The following SND1 variants were observed in gnomAD, a reference collection of about 807,000 sequenced individuals.
SND1 encodes staphylococcal nuclease domain-containing protein 1.
Under a neutral mutation model 121.7 loss-of-function variants are expected in SND1, and 38 were observed. The ratio of observed to expected loss-of-function variants is 0.31; its 90% CI spans 0.24 to 0.41. SND1 has a LOEUF of 0.41. Ranked by LOEUF, SND1 falls within the 10% of genes least tolerant of loss-of-function variation. The pLI is 1.00. For synonymous variants in SND1, 401 were observed against 447.4 expected, an observed-to-expected ratio of 0.90 and a Z score of 1.31; for missense variants, 868 against 1,184.6, an observed-to-expected ratio of 0.73 and a Z score of 3.92.
intron 22 of SND1, among the ~76,000 whole-genome samples, chr7:128,090,934 C>G (rs1268070373): frequency 6.6e-6 from 1 of 152,150 alleles, no homozygotes; most frequent in East Asian, 1.9e-4. Context: ...CCCATAATGC[C>G]CCTGCTATCT....
chr7:127,809,250 T>C (rs1360245608), intron 11 of SND1, among the ~76,000 whole-genome samples: 2 of 152,224 alleles, frequency 1.3e-5, no homozygotes, highest in Non-Finnish European at 2.9e-5. Context: ...CCTTTATTGG[T>C]TCCTGTGCAA....
chr7:128,081,354 A>T lies in SND1; in HGVS notation c.1969-6A>T, dbSNP rs1409842516. On this transcript the variant is annotated splice_polypyrimidine_tract_variant and splice_region_variant and intron_variant, in intron 17 of 23. Transcript: ENST00000354725. ...CTCTTCTCACCTCTGCCGACTGAAC[A>T]TGCAGGTCTGGGCCCACTATGAGGA... 6.2e-7 allele frequency: 1 copy of T among 1,614,044 alleles called. No homozygotes were observed. Among genetic ancestry groups the T allele is most frequent in the Admixed American group, 1.7e-5 (1 of 60,024 alleles).
intron 16 of SND1, among the ~76,000 whole-genome samples, chr7:128,036,339 T>C (rs1792750696): frequency 2.0e-5 from 3 of 152,186 alleles, no homozygotes; most frequent in Admixed American, 2.0e-4. Context: ...TGTGATCCCA[T>C]AGTGAGGCTG....
chr7:127,878,018 G>A (rs1298784743), intron 12 of SND1, among the ~76,000 whole-genome samples: 1 of 151,882 alleles, frequency 6.6e-6, no homozygotes, highest in African/African-American at 2.4e-5. Context: ...TACCTCCCTT[G>A]TTTCTTTCAT....
intron 10 of SND1, among the ~76,000 whole-genome samples, chr7:127,741,667 C>T (rs879324800): frequency 1.6e-4 from 25 of 152,228 alleles, no homozygotes; most frequent in Non-Finnish European, 2.9e-4. Context: ...CCTGTTATGG[C>T]CCTTAGGAGA....
intron 9 of SND1, among the ~76,000 whole-genome samples, chr7:127,714,718 A>G (rs1186702659): frequency 1.3e-5 from 2 of 152,200 alleles, no homozygotes; most frequent in African/African-American, 4.8e-5. Context: ...GACTACTCTA[A>G]GTAATTCATA....
intron 10 of SND1, among the ~76,000 whole-genome samples, chr7:127,779,132 A>G (rs935224237): frequency 4.6e-5 from 7 of 152,176 alleles, no homozygotes; most frequent in Non-Finnish European, 8.8e-5. Context: ...GCATTGCACT[A>G]TGGGGGGGAT....
chr7:128,043,772 A>G (rs919054994), intron 16 of SND1, among the ~76,000 whole-genome samples: 2 of 151,174 alleles, frequency 1.3e-5, no homozygotes, highest in African/African-American at 4.9e-5. Context: ...TTATATATGT[A>G]TTTATATATT....
chr7:127,815,706 C>A (rs989839673), intron 11 of SND1, among the ~76,000 whole-genome samples: 1 of 152,040 alleles, frequency 6.6e-6, no homozygotes, highest in East Asian at 1.9e-4. Context: ...GTATAATGAT[C>A]CTGCCTACAC....
chr7:127,970,271 T>A (rs1031089306), intron 15 of SND1, among the ~76,000 whole-genome samples: 1 of 152,222 alleles, frequency 6.6e-6, no homozygotes, highest in African/African-American at 2.4e-5. Flanking sequence ...ACTGACAGGA[T>A]ACAGTGGAAA....
intron 1 of SND1, among the ~76,000 whole-genome samples, chr7:127,665,029 A>G (rs548124191): frequency 1.3e-5 from 2 of 152,284 alleles, no homozygotes; most frequent in South Asian, 2.1e-4. Context: ...TCACTGGACC[A>G]GGGGATCTGG....
intron 12 of SND1, among the ~76,000 whole-genome samples, chr7:127,866,725 C>T (rs1013644475): frequency 2.0e-5 from 3 of 152,042 alleles, no homozygotes; most frequent in South Asian, 2.1e-4. Flanking sequence ...AGACTTTGAC[C>T]GCTTTTGTCC....
chr7:127,693,006 T>C (rs1795947824), intron 2 of SND1, among the ~76,000 whole-genome samples: 1 of 152,236 alleles, frequency 6.6e-6, no homozygotes, highest in South Asian at 2.1e-4. Context: ...TTGGCCTCTT[T>C]TAGGAGCACT....
At chr7:127,672,471 A>G (rs1795535865) in intron 1 of SND1, among the ~76,000 whole-genome samples, 1 of 152,022 alleles carries the variant, frequency 6.6e-6, no homozygotes, top group African/African-American at 2.4e-5. Flanking sequence ...TTAGCTGAGC[A>G]TGGTGGCATG....
intron 15 of SND1, among the ~76,000 whole-genome samples, chr7:127,936,869 C>G: frequency 6.6e-6 from 1 of 152,116 alleles, no homozygotes; most frequent in East Asian, 1.9e-4. Context: ...CTAAAAGCCC[C>G]CAGTGGGTGT....
intron 10 of SND1, among the ~76,000 whole-genome samples, chr7:127,785,153 TC>T (rs1355728450): frequency 1.3e-5 from 2 of 152,112 alleles, no homozygotes; most frequent in Non-Finnish European, 2.9e-5. Context: ...AAGTAATCCT[TC>T]CACCTTGGCC....
chr7:127,680,008 T>C (rs1795688103), intron 1 of SND1, among the ~76,000 whole-genome samples: 1 of 152,230 alleles, frequency 6.6e-6, no homozygotes, highest in Non-Finnish European at 1.5e-5. Context: ...TCCCTAAGCG[T>C]CGGCTGGTTT....
intron 16 of SND1, among the ~76,000 whole-genome samples, chr7:128,042,825 T>A (rs1562880013): frequency 6.6e-6 from 1 of 152,238 alleles, no homozygotes; most frequent in South Asian, 2.1e-4. Flanking sequence ...CCTGTCTTGT[T>A]TTTAATGCCA....
At chr7:128,074,951 C>G (rs1260791696) in intron 17 of SND1, among the ~76,000 whole-genome samples, 2 of 152,206 alleles carry the variant, frequency 1.3e-5, no homozygotes, top group Non-Finnish European at 2.9e-5. Flanking sequence ...CAGGCCTGCT[C>G]AGGTGGTCCT....
Sources: allele counts gnomAD v4.1 joint callset (sites outside exome capture counted in the v4.1 genomes callset), GRCh38; gene constraint gnomAD v4.1.1; transcripts MANE v1.5; gene names NCBI Gene and HGNC (gene_info 2026-07-23, HGNC 2026-07-21).